The following ENOX1 variants were observed in gnomAD, a reference collection of about 807,000 sequenced individuals.
The protein encoded by ENOX1 is ecto-NOX disulfide-thiol exchanger 1.
ENOX1 carries 42 observed loss-of-function variants against 82.5 expected under a neutral mutation model. That is an observed-to-expected ratio of 0.51 (90% CI 0.40 to 0.66). The LOEUF (loss-of-function observed/expected upper bound fraction) is 0.66, where lower values mean the gene tolerates loss of function less well. Ranked by LOEUF, ENOX1 falls within the 30% of genes least tolerant of loss-of-function variation. The pLI is 0.00. For synonymous variants in ENOX1, 271 were observed against 282.2 expected, an observed-to-expected ratio of 0.96 and a Z score of 0.40; for missense variants, 608 against 811.6, an observed-to-expected ratio of 0.75 and a Z score of 3.05.
intron 5 of ENOX1, among the ~76,000 whole-genome samples, chr13:43,385,714 T>C (rs1383023579): frequency 6.6e-6 from 1 of 152,216 alleles, no homozygotes; most frequent in African/African-American, 2.4e-5. Context: ...ATCAACTTTT[T>C]AGGATTAAAC....
intron 12 of ENOX1, among the ~76,000 whole-genome samples, chr13:43,278,612 CT>C (rs71202258): frequency 0.087 from 13,301 of 152,200 alleles, 792 homozygotes; most frequent in Non-Finnish European, 0.13. Context: ...AGATTGCTTG[CT>C]TTAAAACTAA....
chr13:43,398,859 G>A (rs957095612), intron 5 of ENOX1, among the ~76,000 whole-genome samples: 1 of 148,526 alleles, frequency 6.7e-6, no homozygotes, highest in Admixed American at 6.7e-5. Context: ...ACACTAGCAC[G>A]ATCATGGTTC....
At chr13:43,664,532 C>G (rs2084885111) in intron 2 of ENOX1, among the ~76,000 whole-genome samples, 1 of 152,170 alleles carries the variant, frequency 6.6e-6, no homozygotes, top group Admixed American at 6.5e-5. Flanking sequence ...CTCACCAGGC[C>G]CTACCTGCAG....
rs950143061 is a variant in ENOX1, at chr13:43,354,546, A to AT, written c.823+1372dup. Among the ~76,000 whole-genome samples, 33 of 149,548 alleles carry AT rather than the reference A, an allele frequency of 2.2e-4. 1 individual carries two copies. Among genetic ancestry groups the AT allele is most frequent in the Middle Eastern group, 6.8e-3 (2 of 292 alleles). ...ATAGGTGTTAGGCAGCTTTTCATAC[A>AT]TTTTTTTTAGTGAAAACATCCAATC... On this transcript the variant is annotated intron_variant, in intron 8 of 16. Coordinates refer to ENST00000690772, the MANE Select transcript of ENOX1 (RefSeq NM_001347969.2).
At chr13:43,424,151 T>C (rs762004305) in intron 3 of ENOX1, among the ~76,000 whole-genome samples, 1 of 152,234 alleles carries the variant, frequency 6.6e-6, no homozygotes, top group Non-Finnish European at 1.5e-5. Context: ...GCAATGTTGG[T>C]CACATCCCGG....
At chr13:43,285,990 C>A (rs2045681489) in intron 12 of ENOX1, among the ~76,000 whole-genome samples, 1 of 152,036 alleles carries the variant, frequency 6.6e-6, no homozygotes, top group African/African-American at 2.4e-5. Flanking sequence ...TAGCCAGCTG[C>A]ATAGAGGAAA....
At chr13:43,740,290 G>C (rs2089838952) in intron 1 of ENOX1, among the ~76,000 whole-genome samples, 2 of 152,252 alleles carry the variant, frequency 1.3e-5, no homozygotes, top group African/African-American at 4.8e-5. Flanking sequence ...CATTTACTCT[G>C]AAAGAGAAGG....
At chr13:43,248,089 G>T (rs1026680020) in intron 14 of ENOX1, among the ~76,000 whole-genome samples, 2 of 149,890 alleles carry the variant, frequency 1.3e-5, no homozygotes, top group Non-Finnish European at 3.0e-5. Flanking sequence ...GTTTCACCGT[G>T]TTAGCCGGGA....
At chr13:43,339,622 G>A (rs2048940038) in intron 9 of ENOX1, among the ~76,000 whole-genome samples, 1 of 152,188 alleles carries the variant, frequency 6.6e-6, no homozygotes, top group Non-Finnish European at 1.5e-5. Context: ...ATGCTTGGCT[G>A]TTTAGTGGAC....
chr13:43,378,534 A>G (rs2051805369), intron 5 of ENOX1, among the ~76,000 whole-genome samples: 1 of 152,226 alleles, frequency 6.6e-6, no homozygotes, highest in Non-Finnish European at 1.5e-5. Context: ...CATCAGTTAG[A>G]GTAGAAAAGC....
intron 1 of ENOX1, among the ~76,000 whole-genome samples, chr13:43,711,834 T>G (rs1346367999): frequency 6.6e-6 from 1 of 150,562 alleles, no homozygotes; most frequent in Non-Finnish European, 1.5e-5. Flanking sequence ...CTTTGTCAGA[T>G]GAGTAGGTTG....
chr13:43,713,942 T>C (rs2153814939), intron 1 of ENOX1, among the ~76,000 whole-genome samples: 1 of 149,558 alleles, frequency 6.7e-6, no homozygotes. Context: ...TAGTTATTTC[T>C]TGCCTTCTGC....
chr13:43,289,252 A>C (rs2045870971), intron 12 of ENOX1, among the ~76,000 whole-genome samples: 2 of 152,164 alleles, frequency 1.3e-5, no homozygotes, highest in African/African-American at 4.8e-5. Context: ...AAGAGCCCCA[A>C]ACAACCAAAG....
chr13:43,679,998 T>G (rs2085706192), intron 1 of ENOX1, among the ~76,000 whole-genome samples: 1 of 152,170 alleles, frequency 6.6e-6, no homozygotes, highest in Non-Finnish European at 1.5e-5. Flanking sequence ...CTAACATATC[T>G]CAAAAGAAGT....
intron 2 of ENOX1, among the ~76,000 whole-genome samples, chr13:43,592,709 A>G (rs1240549141): frequency 6.6e-6 from 1 of 152,218 alleles, no homozygotes. Flanking sequence ...AAGACAGGCT[A>G]TATGATTCAA....
intron 1 of ENOX1, among the ~76,000 whole-genome samples, chr13:43,700,322 T>C (rs2153808323): frequency 6.6e-6 from 1 of 152,296 alleles, no homozygotes; most frequent in South Asian, 2.1e-4. Context: ...TCTTGGGTTT[T>C]CGAGATTGTT....
intron 2 of ENOX1, among the ~76,000 whole-genome samples, chr13:43,513,860 G>A (rs2077463400): frequency 6.6e-6 from 1 of 151,874 alleles, no homozygotes; most frequent in Non-Finnish European, 1.5e-5. Context: ...AACAATATAG[G>A]TTTCAAAGAA....
rs756970272 is a variant in ENOX1, at chr13:43,236,674, C to T, written c.1676G>A (p.Ser559Asn). Reference sequence around the variant, plus strand: ...TTCTTTCTCTGATTTTAAGCCTTGGCTTCTTTTCTCAATATTGTTCTCTCG... The same window carrying T: ...TTCTTTCTCTGATTTTAAGCCTTGGTTTCTTTTCTCAATATTGTTCTCTCG... ...QDRENNIEKR[S>N]QGLKSEKEAL... is the part of the protein sequence containing the mutation. Residue 559 changes from serine to asparagine, a missense_variant, in exon 15 of 17, where the codon AGC becomes AAC. Transcript: ENST00000690772. The T allele has an allele frequency of 7.3e-5, 116 of 1,588,026 alleles. No homozygotes were observed. In the Middle Eastern group the frequency reaches 1.0e-3, roughly 14 times the overall value.
chr13:43,697,472 T>C (rs2086698299), intron 1 of ENOX1, among the ~76,000 whole-genome samples: 1 of 152,156 alleles, frequency 6.6e-6, no homozygotes, highest in Non-Finnish European at 1.5e-5. Context: ...ACTACAATGT[T>C]CTGAAGGACA....
Sources: gnomAD v4.1 joint callset for allele counts (sites outside exome capture counted in the v4.1 genomes callset) on GRCh38, gnomAD v4.1.1 for gene constraint, MANE v1.5 for transcripts, NCBI Gene and HGNC (gene_info 2026-07-23, HGNC 2026-07-21) for gene names.